Variants in GLRX observed in about 807,000 individuals in gnomAD.
GLRX encodes glutaredoxin-1.
Under a neutral mutation model 11.1 loss-of-function variants are expected in GLRX, and 9 were observed. The ratio of observed to expected loss-of-function variants is 0.81; its 90% CI spans 0.49 to 1.42. The LOEUF (loss-of-function observed/expected upper bound fraction) is 1.42. Ranked by LOEUF, GLRX falls within the 40% of genes most tolerant of loss-of-function variation. The probability of loss-of-function intolerance (pLI) is 0.00; values close to 1 mark genes in which losing one functional copy is unlikely to be tolerated. For missense variants in GLRX, 102 were observed against 126.2 expected (o/e 0.81, Z 0.92); for synonymous variants, 49 against 49.5 (o/e 0.99, Z 0.04).
intron 1 of GLRX, among the ~76,000 whole-genome samples, chr5:95,819,822 C>A (rs1747149059): frequency 7.3e-6 from 1 of 137,914 alleles, no homozygotes; most frequent in Non-Finnish European, 1.5e-5. Flanking sequence ...TAGCGTGAAC[C>A]CGGGAGGTGG....
At chr5:95,820,397 A>C (rs1238784821) in intron 1 of GLRX, among the ~76,000 whole-genome samples, 1 of 151,390 alleles carries the variant, frequency 6.6e-6, no homozygotes, top group Non-Finnish European at 1.5e-5. Flanking sequence ...TACTACAAGA[A>C]ATATTGTTGT....
chr5:95,818,521 C>T (rs1747093616), intron 1 of GLRX: 1 of 152,202 alleles, frequency 6.6e-6, no homozygotes, highest in Admixed American at 6.5e-5. Flanking sequence ...TTTCCCCAGC[C>T]TCAGCCAGGC....
chr5:95,818,629 A>G (rs138391175), intron 1 of GLRX: 2 of 152,282 alleles, frequency 1.3e-5, no homozygotes, highest in Admixed American at 6.5e-5. Context: ...AGCCACCTTC[A>G]TCTGTCACCT....
intron 1 of GLRX, among the ~76,000 whole-genome samples, chr5:95,821,166 A>C (rs1747221436): frequency 6.6e-6 from 1 of 152,184 alleles, no homozygotes; most frequent in Admixed American, 6.5e-5. Context: ...TTAGTTATTG[A>C]GGGGCATAAT....
At chr5:95,822,394 A>C in intron 1 of GLRX, 62 bp downstream of exon 1, 1 of 1,317,714 alleles carries the variant, frequency 7.6e-7, no homozygotes, top group Non-Finnish European at 1.1e-6. Context: ...AAAGAAAGGC[A>C]CAGCTCTGAC....
rs1249047457 is a variant in GLRX, at chr5:95,819,135, GTATT to G, written c.208-2513_208-2510del. 8 of 152,104 alleles carry G rather than the reference GTATT, an allele frequency of 5.3e-5. No homozygotes were observed. The East Asian group carries it at 1.5e-3, about 29-fold the overall frequency. The allele number at this position is 152,104 out of a possible 1,614,324, so 9.4% of individuals were successfully genotyped here. ...ACTCCCAACATACTGTTTTATTACT[GTATT>G]TGTTTGTCTCCCCCACTAGAATATA... On this transcript the variant is annotated intron_variant, in intron 1 of 2. Transcript: ENST00000237858.
At chr5:95,816,376 T>G in intron 2 of GLRX, 131 bp downstream of exon 2, 1 of 595,638 alleles carries the variant, frequency 1.7e-6, no homozygotes, top group Non-Finnish European at 3.1e-6. Flanking sequence ...GTGATTGACA[T>G]CACCATTCCT....
intron 2 of GLRX, 93 bp downstream of exon 2, chr5:95,816,414 C>T (rs994176414): frequency 1.5e-6 from 1 of 674,242 alleles, no homozygotes; most frequent in African/African-American, 1.8e-5. Flanking sequence ...TTTCTTCCCC[C>T]AACCAGAATG....
intron 2 of GLRX, among the ~76,000 whole-genome samples, chr5:95,815,596 C>T (rs190938808): frequency 6.6e-6 from 1 of 152,346 alleles, no homozygotes; most frequent in East Asian, 1.9e-4. Flanking sequence ...TCTCTGGGTA[C>T]AGGTCTCTGA....
At position 95,814,251 on chromosome 5, in the gene GLRX, C is replaced by T. The variant is rs2112860301; in HGVS notation, c.*145G>A. The T allele has an allele frequency of 6.5e-6, 1 of 152,756 alleles. No homozygotes were observed. The highest frequency in any genetic ancestry group is 2.1e-4 in the South Asian group (1 of 4,828). The allele number at this position is 152,756 out of a possible 1,614,324, so 9.5% of individuals were successfully genotyped here. A position where few individuals can be genotyped will look rare whatever the true frequency, so the allele number is the denominator to read the frequency against. ...TTATCTGGATAGCCATCTTAAATAA[C>T]AGAGTGTTCCGCATGACCACAGCCT... On this transcript the variant is annotated 3_prime_UTR_variant, in exon 3 of 3. Coordinates refer to ENST00000237858, the MANE Select transcript of GLRX (RefSeq NM_001118890.2).
rs151319399 is a variant in GLRX, at chr5:95,816,542, G to A, written c.292C>T (p.Arg98Trp). ...SLQQSGELLT[R>W]LKQIGALQ ...TGCAGAGCTCCAATCTGCTTTAGCC[G>A]CGTCAGCAGTTCCCCACTCTGTTGC... Residue 98 changes from arginine (R) to tryptophan (W), a missense_variant, in exon 2 of 3, where the codon CGG (arginine) becomes TGG (tryptophan). By Grantham distance (101) the Arg-to-Trp change is moderately radical. Transcript: ENST00000237858. 4.2e-5 allele frequency: 67 copies of A among 1,602,800 alleles called. No individual in the cohort carries two copies. The African/African-American group carries it at 4.6e-4, about 11-fold the overall frequency.
intron 1 of GLRX, chr5:95,816,899 A>G (rs1747020066): frequency 3.7e-6 from 1 of 270,462 alleles, no homozygotes; most frequent in East Asian, 9.9e-5. Flanking sequence ...CTCTACAGAA[A>G]CATGTTTCAG....
intron 1 of GLRX, among the ~76,000 whole-genome samples, chr5:95,819,912 A>C (rs538525463): frequency 6.6e-6 from 1 of 151,038 alleles, no homozygotes; most frequent in South Asian, 2.1e-4. Flanking sequence ...AAAAAAAAAA[A>C]AAAAAAAAAA....
chr5:95,822,604 TTGA>T lies in GLRX; in HGVS notation c.56_58del (p.Ile19del). ...CCTCCTGCAGTACGGGCAGGTGGGC[TTGA>T]TGAACACAACCACCTTCCCAGGCTG... On this transcript the variant is annotated inframe_deletion, in exon 1 of 3. Transcript: ENST00000237858. 6.2e-7 allele frequency: 1 copy of T among 1,613,936 alleles called. No individual in the cohort carries two copies. The highest frequency in any genetic ancestry group is 8.5e-7 in the Non-Finnish European group (1 of 1,179,834).
At chr5:95,820,385 A>G (rs1458157797) in intron 1 of GLRX, among the ~76,000 whole-genome samples, 4 of 148,356 alleles carry the variant, frequency 2.7e-5, no homozygotes, top group Non-Finnish European at 6.0e-5. Flanking sequence ...ACCTTAAAAG[A>G]TTACTACAAG....
At chr5:95,822,269 G>C in intron 1 of GLRX, 187 bp downstream of exon 1, 3 of 607,040 alleles carry the variant, frequency 4.9e-6, no homozygotes, top group Non-Finnish European at 8.8e-6. Context: ...ACCTTTGGCT[G>C]CAGTGCCGCC....
In GLRX at chr5:95,822,469, G is replaced by A. The variant is rs745374383; in HGVS notation, c.194C>T (p.Thr65Met). 5.0e-6 allele frequency: 8 copies of A among 1,613,114 alleles called. No individual in the cohort carries two copies. The highest frequency in any genetic ancestry group is 3.3e-5 in the Admixed American group (2 of 60,024). ...NEIQDYLQQLTGARTVPRVFI... is the reference protein window; with the variant it reads ...NEIQDYLQQLMGARTVPRVFI... The stretch of plus-strand genomic sequence containing the variant: ...AATGAAACTCACCGTTCTTGCTCCC[G>A]TGAGCTGTTGCAAATAATCTTGAAT... Residue 65 changes from threonine (T) to methionine (M), a missense_variant, in exon 1 of 3, where the codon ACG becomes ATG. By Grantham distance (81) the Thr-to-Met change is moderately conservative. Transcript: ENST00000237858.
In GLRX at chr5:95,822,622, T is replaced by C. The variant is rs1487472369; in HGVS notation, c.41A>G (p.Lys14Arg). The change falls in exon 1 of 3, where the codon AAG becomes AGG. Residue 14 changes from lysine to arginine, a missense_variant. Coordinates refer to ENST00000237858, the MANE Select transcript of GLRX (RefSeq NM_001118890.2). Reference protein sequence around the residue: ...EFVNCKIQPGKVVVFIKPTCP... With the variant: ...EFVNCKIQPGRVVVFIKPTCP... ...GGTGGGCTTGATGAACACAACCACC[T>C]TCCCAGGCTGGATTTTGCAGTTCAC... 3.7e-6 allele frequency: 6 copies of C among 1,613,802 alleles called. No individual in the cohort carries two copies. The highest frequency in any genetic ancestry group is 5.1e-6 in the Non-Finnish European group (6 of 1,179,850).
chr5:95,820,745 C>G (rs1438462544), intron 1 of GLRX, among the ~76,000 whole-genome samples: 1 of 151,456 alleles, frequency 6.6e-6, no homozygotes, highest in Non-Finnish European at 1.5e-5. Flanking sequence ...TTTGCTTTAC[C>G]TCCTGGAAAA....
Sources: gnomAD v4.1 joint callset for allele counts (sites outside exome capture counted in the v4.1 genomes callset) on GRCh38, gnomAD v4.1.1 for gene constraint, MANE v1.5 for transcripts, NCBI Gene and HGNC (gene_info 2026-07-23, HGNC 2026-07-21) for gene names.